The following SORBS2 variants were observed in gnomAD, a reference collection of about 807,000 sequenced individuals.
SORBS2 encodes sorbin and SH3 domain containing 2, also known as sorbin and SH3 domain-containing protein 2.
Under a neutral mutation model 97.7 loss-of-function variants are expected in SORBS2, and 46 were observed. That is an observed-to-expected ratio of 0.47 (90% CI 0.37 to 0.60). The LOEUF is 0.60. Ranked by LOEUF, SORBS2 falls within the 20% of genes least tolerant of loss-of-function variation. The pLI, the probability that SORBS2 is intolerant of heterozygous loss-of-function variation, is 0.00. For synonymous variants in SORBS2, 476 were observed against 473.4 expected (o/e 1.01, Z -0.07); for missense variants, 1,316 against 1,282.3 (o/e 1.03, Z -0.40).
chr4:185,826,808 A>G (rs2099200117), intron 1 of SORBS2, among the ~76,000 whole-genome samples: 1 of 152,186 alleles, frequency 6.6e-6, no homozygotes, highest in South Asian at 2.1e-4. Flanking sequence ...ATTGATCCCT[A>G]ATTATGTGAC....
At chr4:185,691,687 G>C (rs2098098085) in intron 2 of SORBS2, among the ~76,000 whole-genome samples, 2 of 152,170 alleles carry the variant, frequency 1.3e-5, no homozygotes, top group African/African-American at 4.8e-5. Flanking sequence ...TGAAATGTTG[G>C]ATGCAAAGCA....
chr4:185,713,108 G>A (rs893532317), intron 2 of SORBS2, among the ~76,000 whole-genome samples: 1 of 151,956 alleles, frequency 6.6e-6, no homozygotes, highest in African/African-American at 2.4e-5. Flanking sequence ...TTTGCTGGCC[G>A]GCAGCATCCT....
At chr4:185,688,564 T>C (rs1469822840) in intron 2 of SORBS2, among the ~76,000 whole-genome samples, 1 of 152,104 alleles carries the variant, frequency 6.6e-6, no homozygotes, top group African/African-American at 2.4e-5. Context: ...AGAAGCTATT[T>C]TGGGGATGAG....
intron 2 of SORBS2, among the ~76,000 whole-genome samples, chr4:185,700,255 T>C (rs1453328854): frequency 6.6e-6 from 1 of 151,874 alleles, no homozygotes; most frequent in Non-Finnish European, 1.5e-5. Context: ...CAAGGAAGAT[T>C]GGGCTCCAGC....
At chr4:185,667,703 T>C (rs936201297) in intron 4 of SORBS2, among the ~76,000 whole-genome samples, 1 of 8,276 alleles carries the variant, frequency 1.2e-4, no homozygotes, top group East Asian at 0.011. Context: ...TATATATATA[T>C]ATACGTATAT....
intron 1 of SORBS2, among the ~76,000 whole-genome samples, chr4:185,905,395 G>A (rs1211871194): frequency 1.3e-5 from 2 of 152,144 alleles, no homozygotes; most frequent in Admixed American, 1.3e-4. Context: ...CTTCTCAAGA[G>A]ATACTAAAAG....
At chr4:185,848,618 CTTTTTTTTTTT>C (rs537195530) in intron 1 of SORBS2, among the ~76,000 whole-genome samples, 31 of 75,626 alleles carry the variant, frequency 4.1e-4, no homozygotes, top group African/African-American at 1.3e-3. Context: ...AAGGATATCT[CTTTTTTTTTTT>C]TTTTTTTTTT....
intron 1 of SORBS2, among the ~76,000 whole-genome samples, chr4:185,896,777 T>C (rs575571761): frequency 3.3e-5 from 5 of 151,796 alleles, no homozygotes; most frequent in Non-Finnish European, 7.4e-5. Flanking sequence ...AGAGAGTTCT[T>C]GGTGGAGGAG....
chr4:185,840,597 A>T (rs1273272888), intron 1 of SORBS2, among the ~76,000 whole-genome samples: 1 of 152,206 alleles, frequency 6.6e-6, no homozygotes, highest in Non-Finnish European at 1.5e-5. Flanking sequence ...TTGGAAAAAA[A>T]AATACCAGCG....
intron 12 of SORBS2, among the ~76,000 whole-genome samples, chr4:185,605,645 C>A (rs1443011653): frequency 6.6e-6 from 1 of 151,662 alleles, no homozygotes; most frequent in African/African-American, 2.4e-5. Flanking sequence ...AGTGCACTGG[C>A]ACGATCTCAG....
chr4:185,750,514 C>G (rs2098792455), intron 2 of SORBS2, among the ~76,000 whole-genome samples: 1 of 152,238 alleles, frequency 6.6e-6, no homozygotes, highest in South Asian at 2.1e-4. Flanking sequence ...GTGTCCCACT[C>G]ACACTGCACC....
At chr4:185,851,271 A>G (rs1219615134) in intron 1 of SORBS2, among the ~76,000 whole-genome samples, 1 of 152,212 alleles carries the variant, frequency 6.6e-6, no homozygotes, top group Non-Finnish European at 1.5e-5. Context: ...CTTCCCAGAC[A>G]TGAAGAAATT....
chr4:185,665,740 G>A, intron 4 of SORBS2: 1 of 1,008,154 alleles, frequency 9.9e-7, no homozygotes, highest in Non-Finnish European at 1.2e-6. Context: ...TACATGAGTG[G>A]CCGCAGGGGT....
chr4:185,730,303 A>C, intron 2 of SORBS2, among the ~76,000 whole-genome samples: 1 of 138,778 alleles, frequency 7.2e-6, no homozygotes, highest in African/African-American at 2.6e-5. Context: ...AAAGGTCAAT[A>C]TACTTTCTTT....
intron 2 of SORBS2, among the ~76,000 whole-genome samples, chr4:185,695,651 T>C (rs1262119725): frequency 6.6e-6 from 1 of 152,202 alleles, no homozygotes; most frequent in African/African-American, 2.4e-5. Flanking sequence ...CTGCCCTAAG[T>C]GATCAATGTA....
intron 1 of SORBS2, among the ~76,000 whole-genome samples, chr4:185,844,982 T>C (rs935486377): frequency 6.6e-6 from 1 of 151,736 alleles, no homozygotes; most frequent in African/African-American, 2.4e-5. Context: ...ATTGGCTGCT[T>C]AGTGGGTATG....
At chr4:185,858,337 C>T (rs1180037440) in intron 1 of SORBS2, among the ~76,000 whole-genome samples, 1 of 152,168 alleles carries the variant, frequency 6.6e-6, no homozygotes, top group Non-Finnish European at 1.5e-5. Flanking sequence ...CTTGGACTTC[C>T]CAGCCCCCAG....
At chr4:185,743,728 G>A (rs2098741314) in intron 2 of SORBS2, among the ~76,000 whole-genome samples, 1 of 151,048 alleles carries the variant, frequency 6.6e-6, no homozygotes. Flanking sequence ...TCCTGATTCA[G>A]ATGATTTCTT....
chr4:185,811,279 G>C (rs2099182662), intron 1 of SORBS2, among the ~76,000 whole-genome samples: 2 of 152,232 alleles, frequency 1.3e-5, no homozygotes, highest in Admixed American at 1.3e-4. Context: ...TGCTTCTCAT[G>C]TAGTTCTTTT....
Sources: allele counts gnomAD v4.1 joint callset (sites outside exome capture counted in the v4.1 genomes callset), GRCh38; gene constraint gnomAD v4.1.1; transcripts MANE v1.5; gene names NCBI Gene and HGNC (gene_info 2026-07-23, HGNC 2026-07-21).